IP6K1: variants seen among roughly 807,000 people sequenced by gnomAD.
IP6K1 encodes inositol hexakisphosphate kinase 1.
In IP6K1, 13 loss-of-function variants were observed where a neutral mutation model predicts 38.3. The observed-to-expected ratio is 0.34, with a 90% CI of 0.22 to 0.54. IP6K1 has a LOEUF of 0.54. Among genes scored for constraint, IP6K1 ranks in the 20% least tolerant of loss-of-function variants. The pLI is 0.92. For synonymous variants in IP6K1, 212 were observed against 229.9 expected (o/e 0.92, Z 0.70); for missense variants, 397 against 599.8 (o/e 0.66, Z 3.53).
intron 1 of IP6K1, chr3:49,758,533 A>C (rs2080843737): frequency 6.6e-6 from 1 of 152,228 alleles, no homozygotes; most frequent in Non-Finnish European, 1.5e-5. Context: ...TGGGAGCCGT[A>C]GTTCTCTGTA....
chr3:49,755,359 T>C (rs927594783), intron 1 of IP6K1, among the ~76,000 whole-genome samples: 1 of 152,208 alleles, frequency 6.6e-6, no homozygotes, highest in Non-Finnish European at 1.5e-5. Context: ...GTATTTCTAT[T>C]ACCTCTTCTA....
intron 2 of IP6K1, among the ~76,000 whole-genome samples, chr3:49,742,851 A>G (rs2080682048): frequency 6.6e-6 from 1 of 151,998 alleles, no homozygotes; most frequent in African/African-American, 2.4e-5. Flanking sequence ...AGATCGTGCC[A>G]CTGCATTCCA....
At chr3:49,757,673 T>C (rs889295368) in intron 1 of IP6K1, among the ~76,000 whole-genome samples, 3 of 152,018 alleles carry the variant, frequency 2.0e-5, no homozygotes, top group African/African-American at 2.4e-5. Flanking sequence ...TGAGCCAAGA[T>C]TGCGCCACTA....
intron 1 of IP6K1, among the ~76,000 whole-genome samples, chr3:49,774,018 C>CA (rs761685716): frequency 6.7e-4 from 69 of 103,120 alleles, no homozygotes; most frequent in African/African-American, 1.4e-3. Context: ...CACACACACA[C>CA]AACACACACA....
intron 4 of IP6K1, among the ~76,000 whole-genome samples, chr3:49,730,617 G>A (rs1419832242): frequency 6.6e-6 from 1 of 152,112 alleles, no homozygotes; most frequent in Non-Finnish European, 1.5e-5. Context: ...CACAATTTCA[G>A]CTCACTGCAA....
At chr3:49,763,775 G>A (rs2080886064) in intron 1 of IP6K1, among the ~76,000 whole-genome samples, 1 of 152,118 alleles carries the variant, frequency 6.6e-6, no homozygotes, top group South Asian at 2.1e-4. Flanking sequence ...TAACACTTTG[G>A]GAGGCTGAGG....
chr3:49,753,198 C>G (rs1030470917), intron 1 of IP6K1, among the ~76,000 whole-genome samples: 6 of 152,196 alleles, frequency 3.9e-5, no homozygotes, highest in Non-Finnish European at 7.3e-5. Context: ...TCCAGCCATA[C>G]TGGCCTTCAT....
chr3:49,740,228 C>CTTT (rs71080547), intron 2 of IP6K1, among the ~76,000 whole-genome samples: 49 of 76,388 alleles, frequency 6.4e-4, no homozygotes, highest in East Asian at 1.8e-3. Flanking sequence ...ATTTGCAATT[C>CTTT]TTTTTTTTTT....
At chr3:49,756,831 A>G (rs56786166) in intron 1 of IP6K1, among the ~76,000 whole-genome samples, 4 of 74,786 alleles carry the variant, frequency 5.3e-5, no homozygotes, top group African/African-American at 1.6e-4. Flanking sequence ...AAAAAAAAAA[A>G]AAAAAAAAAA....
At chr3:49,762,474 C>T (rs867078337) in intron 1 of IP6K1, among the ~76,000 whole-genome samples, 1 of 152,002 alleles carries the variant, frequency 6.6e-6, no homozygotes, top group Admixed American at 6.6e-5. Context: ...CACTTGAACC[C>T]GGGAGGCAGA....
At chr3:49,730,897 C>T (rs1006453448) in intron 4 of IP6K1, among the ~76,000 whole-genome samples, 3 of 151,892 alleles carry the variant, frequency 2.0e-5, no homozygotes, top group Non-Finnish European at 2.9e-5. Flanking sequence ...TGTGTACAGA[C>T]GGGGTTTCTC....
At chr3:49,759,522 T>C (rs1465755299) in intron 1 of IP6K1, among the ~76,000 whole-genome samples, 2 of 152,172 alleles carry the variant, frequency 1.3e-5, no homozygotes, top group Middle Eastern at 3.2e-3. Context: ...CTTATATAGT[T>C]AGACATTTAG....
chr3:49,768,316 G>C (rs2080929029), intron 1 of IP6K1, among the ~76,000 whole-genome samples: 1 of 152,164 alleles, frequency 6.6e-6, no homozygotes. Context: ...AATGGATAAA[G>C]ATATGCGGTA....
intron 1 of IP6K1, among the ~76,000 whole-genome samples, chr3:49,782,753 G>A (rs1278865556): frequency 6.6e-6 from 1 of 151,652 alleles, no homozygotes; most frequent in Non-Finnish European, 1.5e-5. Flanking sequence ...GGAGGCTGCA[G>A]TGAGCTACAA....
At chr3:49,771,243 G>A (rs1394553398) in intron 1 of IP6K1, among the ~76,000 whole-genome samples, 1 of 138,570 alleles carries the variant, frequency 7.2e-6, no homozygotes, top group African/African-American at 2.7e-5. Context: ...AACACCTATA[G>A]TCCCAGCTAC....
chr3:49,734,171 C>G (rs1032649605), intron 3 of IP6K1, among the ~76,000 whole-genome samples: 1 of 151,856 alleles, frequency 6.6e-6, no homozygotes, highest in African/African-American at 2.4e-5. Flanking sequence ...ATAAATAAAA[C>G]CACAAAGGAG....
chr3:49,741,015 C>A (rs1177328846), intron 2 of IP6K1, among the ~76,000 whole-genome samples: 1 of 151,954 alleles, frequency 6.6e-6, no homozygotes, highest in African/African-American at 2.4e-5. Flanking sequence ...CGCTCGGCTA[C>A]TTTTTGTATT....
chr3:49,748,837 G>A (rs2080746340), intron 1 of IP6K1: 1 of 152,196 alleles, frequency 6.6e-6, no homozygotes, highest in Non-Finnish European at 1.5e-5. Context: ...TTACTACATT[G>A]TAATATACAA....
Position 49,732,864 on chromosome 3 carries a change from G to A in IP6K1, c.543C>T (p.Asn181=), listed in dbSNP as rs1575304066. The change falls in exon 4 of 6, where the codon AAC becomes AAT. Residue 181 remains asparagine, a synonymous_variant. Transcript: ENST00000321599. The part of the protein sequence containing the change: ...SGLSSEKISH[N]PWSLRCHKQQ... ...GCTTGTGACAACGCAGGCTCCAGGG[G>A]TTGTGGCTGATCTTCTCAGAACTCA... 1 of 1,614,174 alleles carries A rather than the reference G, an allele frequency of 6.2e-7. No individual in the cohort carries two copies. The highest frequency in any genetic ancestry group is 8.5e-7 in the Non-Finnish European group (1 of 1,180,022).
Sources: gnomAD v4.1 joint callset for allele counts (sites outside exome capture counted in the v4.1 genomes callset) on GRCh38, gnomAD v4.1.1 for gene constraint, MANE v1.5 for transcripts, NCBI Gene and HGNC (gene_info 2026-07-23, HGNC 2026-07-21) for gene names.